Variants in LATS2 observed in about 807,000 individuals in gnomAD.
LATS2 encodes serine/threonine-protein kinase LATS2.
A neutral mutation model predicts 76.0 loss-of-function variants in LATS2; 24 were observed. That is an observed-to-expected ratio of 0.32 (90% confidence interval 0.23 to 0.44). The LOEUF is 0.44. Among genes scored for constraint, LATS2 ranks in the 20% least tolerant of loss-of-function variants. The probability of loss-of-function intolerance (pLI) is 1.00; values close to 1 mark genes in which losing one functional copy is unlikely to be tolerated. For synonymous variants in LATS2, 692 were observed against 635.4 expected (o/e 1.09, Z -1.34); for missense variants, 1,286 against 1,481.2 (o/e 0.87, Z 2.16).
chr13:21,041,489 T>C (rs1425369129), intron 2 of LATS2, among the ~76,000 whole-genome samples: 2 of 152,088 alleles, frequency 1.3e-5, no homozygotes, highest in African/African-American at 4.8e-5. Flanking sequence ...TTAAACATGA[T>C]AAAGTGGGGG....
At chr13:20,987,067 C>T (rs2138282329) in intron 4 of LATS2, among the ~76,000 whole-genome samples, 1 of 152,262 alleles carries the variant, frequency 6.6e-6, no homozygotes, top group Non-Finnish European at 1.5e-5. Flanking sequence ...TGGTGGTAGG[C>T]ACCTGTAACC....
intron 2 of LATS2, among the ~76,000 whole-genome samples, chr13:21,028,218 TG>T (rs1475628116): frequency 2.0e-5 from 3 of 152,198 alleles, no homozygotes; most frequent in African/African-American, 7.2e-5. Flanking sequence ...CTGAGAATGA[TG>T]ATTTCCAATT....
rs1329765901 is a variant in LATS2 at position 21,007,581 on chromosome 13, ATATATAG to A, written c.343-16184_343-16178del. Among the ~76,000 whole-genome samples the A allele has an allele frequency of 4.1e-4, 8 of 19,648 alleles. No individual in the cohort carries two copies. The South Asian group carries it at 7.8e-3, about 19-fold the overall frequency. 12.9% of individuals were successfully genotyped at this position (19,648 alleles called of 152,430 possible). On this transcript the variant is annotated intron_variant, in intron 2 of 7. Coordinates refer to ENST00000382592, the MANE Select transcript of LATS2 (RefSeq NM_014572.3). Reference sequence around the variant, plus strand: ...TATATATATATATATATATATATATATATATAGTATATATATATATAGTGTGTATATA... The same window carrying A: ...TATATATATATATATATATATATATATATATATATATATAGTGTGTATATA...
At chr13:21,014,006 G>A (rs914115284) in intron 2 of LATS2, among the ~76,000 whole-genome samples, 2 of 150,156 alleles carry the variant, frequency 1.3e-5, no homozygotes, top group Admixed American at 6.7e-5. Flanking sequence ...AAGAAGAAGA[G>A]GAGGAAGAGA....
Position 20,987,443 on chromosome 13 carries a change from A to G in LATS2, c.1899+438T>C, listed in dbSNP as rs183151686. Among the ~76,000 whole-genome samples, 474 of 152,370 alleles carry G rather than the reference A, an allele frequency of 3.1e-3. 2 individuals carry two copies. The highest frequency in any genetic ancestry group is 0.024 in the Middle Eastern group (7 of 294). ...TCATTAGTTACTAACTAAACACTTA[A>G]AAGAATAAATGGAATCACTACTAGA... On this transcript the variant is annotated intron_variant, in intron 4 of 7. Coordinates refer to ENST00000382592, the MANE Select transcript of LATS2 (RefSeq NM_014572.3).
At chr13:21,015,432 C>CAATACATAGTTAAGAACAGCT in intron 2 of LATS2, among the ~76,000 whole-genome samples, 1 of 152,202 alleles carries the variant, frequency 6.6e-6, no homozygotes, top group African/African-American at 2.4e-5. Flanking sequence ...AAGACATGTC[C>CAATACATAGTTAAGAACAGCT]AATACATAGT....
At chr13:21,012,053 A>G (rs868672119) in intron 2 of LATS2, among the ~76,000 whole-genome samples, 9 of 152,246 alleles carry the variant, frequency 5.9e-5, no homozygotes, top group Admixed American at 2.6e-4. Context: ...CATCAACGCT[A>G]TAACAAAATG....
At chr13:21,021,882 C>A (rs946247195) in intron 2 of LATS2, among the ~76,000 whole-genome samples, 1 of 152,188 alleles carries the variant, frequency 6.6e-6, no homozygotes, top group Non-Finnish European at 1.5e-5. Context: ...CACCAAGCAG[C>A]ACAGGGTGAA....
At chr13:21,030,022 G>A (rs1255540888) in intron 2 of LATS2, among the ~76,000 whole-genome samples, 1 of 151,954 alleles carries the variant, frequency 6.6e-6, no homozygotes, top group Non-Finnish European at 1.5e-5. Context: ...TACTCAGGAG[G>A]CTGACTCAGG....
chr13:21,007,946 G>A (rs1381502475), intron 2 of LATS2, among the ~76,000 whole-genome samples: 1 of 149,946 alleles, frequency 6.7e-6, no homozygotes, highest in Non-Finnish European at 1.5e-5. Context: ...TTTTAGTAGA[G>A]ACAGGGTTTG....
chr13:21,058,662 T>C (rs559962380), intron 1 of LATS2, among the ~76,000 whole-genome samples: 1 of 152,374 alleles, frequency 6.6e-6, no homozygotes, highest in East Asian at 1.9e-4. Flanking sequence ...ATTCTAGTAA[T>C]TCACCTTGGT....
chr13:20,988,400 G>A lies in LATS2; in HGVS notation c.1380C>T (p.Pro460=). 4 of 1,389,820 alleles carry A rather than the reference G, an allele frequency of 2.9e-6. No individual in the cohort carries two copies. Among genetic ancestry groups the A allele is most frequent in the Non-Finnish European group, 3.7e-6 (4 of 1,082,572 alleles). 86.1% of individuals were successfully genotyped at this position (1,389,820 alleles called of 1,614,324 possible). ...LRPEPQTAVG[P]SHPAWVPAPA... ...GCGCGGGCACCCAGGCGGGGTGCGA[G>A]GGCCCCACAGCCGTCTGCGGCTCCG... Residue 460 remains proline, a synonymous_variant, in exon 4 of 8, where the codon CCC becomes CCT. Coordinates refer to ENST00000382592, the MANE Select transcript of LATS2 (RefSeq NM_014572.3).
At chr13:21,047,022 G>C (rs1873099231) in intron 1 of LATS2, among the ~76,000 whole-genome samples, 1 of 152,166 alleles carries the variant, frequency 6.6e-6, no homozygotes, top group African/African-American at 2.4e-5. Flanking sequence ...ATGTGGGTAA[G>C]AGTTATTACT....
At chr13:20,979,904 G>A (rs1043395476) in intron 6 of LATS2, 107 bp from the exon 7 acceptor site, 27 of 651,074 alleles carry the variant, frequency 4.1e-5, no homozygotes, top group African/African-American at 1.2e-4. Context: ...GGGAAAGCGC[G>A]TTGAAGCATC....
intron 2 of LATS2, among the ~76,000 whole-genome samples, chr13:21,013,195 T>C (rs1871667221): frequency 6.6e-6 from 1 of 152,158 alleles, no homozygotes; most frequent in Non-Finnish European, 1.5e-5. Context: ...TTAGGTGAGT[T>C]AGGCCCATCC....
chr13:21,012,633 C>T (rs1871637802), intron 2 of LATS2, among the ~76,000 whole-genome samples: 1 of 152,166 alleles, frequency 6.6e-6, no homozygotes, highest in Admixed American at 6.6e-5. Context: ...CTAGAAAATG[C>T]TATTCATGGC....
At chr13:21,010,577 A>G (rs1871553965) in intron 2 of LATS2, among the ~76,000 whole-genome samples, 1 of 152,248 alleles carries the variant, frequency 6.6e-6, no homozygotes, top group Admixed American at 6.5e-5. Context: ...GTGTTTTCAT[A>G]AAATTACATC....
In LATS2 at chr13:21,003,846, G is replaced by A. The variant is rs556685768; in HGVS notation, c.343-12442C>T. Reference sequence around the variant, plus strand: ...ATCTCAGCCTCCCAAAGTGCTGGGAGTACAGGCATGAGCCACTGCGCCTGG... The same window carrying A: ...ATCTCAGCCTCCCAAAGTGCTGGGAATACAGGCATGAGCCACTGCGCCTGG... On this transcript the variant is annotated intron_variant, in intron 2 of 7. Transcript: ENST00000382592. Among the ~76,000 whole-genome samples the A allele has an allele frequency of 1.1e-4, 16 of 152,262 alleles. No individual in the cohort carries two copies. The East Asian group carries it at 2.9e-3, about 28-fold the overall frequency.
At chr13:20,975,618 ACT>A (rs1208349856) in intron 7 of LATS2, among the ~76,000 whole-genome samples, 1 of 152,200 alleles carries the variant, frequency 6.6e-6, no homozygotes, top group Non-Finnish European at 1.5e-5. Context: ...TATCAGAAAT[ACT>A]GTTTAGCCAA....
Sources: allele counts gnomAD v4.1 joint callset (sites outside exome capture counted in the v4.1 genomes callset), GRCh38; gene constraint gnomAD v4.1.1; transcripts MANE v1.5; gene names NCBI Gene and HGNC (gene_info 2026-07-23, HGNC 2026-07-21).